PABPC1: variants seen among roughly 807,000 people sequenced by gnomAD.
PABPC1 encodes the protein poly(A) binding protein cytoplasmic 1, also known as polyadenylate-binding protein 1.
Under a neutral mutation model 74.0 loss-of-function variants are expected in PABPC1, and 4 were observed. The observed-to-expected ratio is 0.05, with a 90% CI of 0.03 to 0.12. PABPC1 has a LOEUF of 0.12. Ranked by LOEUF, PABPC1 falls within the 10% of genes least tolerant of loss-of-function variation. PABPC1 has a pLI of 1.00. For missense variants in PABPC1, 271 were observed against 821.1 expected (o/e 0.33, Z 8.19); for synonymous variants, 227 against 264.1 (o/e 0.86, Z 1.36).
chr8:100,721,731 A>C lies in PABPC1; in HGVS notation c.-148T>G. The C allele has an allele frequency of 1.6e-6, 1 of 640,924 alleles. No individual in the cohort carries two copies. The highest frequency in any genetic ancestry group is 3.3e-5 in the East Asian group (1 of 30,200). 39.7% of individuals were successfully genotyped at this position (640,924 alleles called of 1,614,324 possible). ...AATCAACCGGAATTGAAAACTACTCAACGGCCGCAGAACGGGGTCGATCCA... is the reference window on the plus strand; with the variant it reads ...AATCAACCGGAATTGAAAACTACTCCACGGCCGCAGAACGGGGTCGATCCA... On this transcript the variant is annotated 5_prime_UTR_variant, in exon 1 of 15. Coordinates refer to ENST00000318607, the MANE Select transcript of PABPC1 (RefSeq NM_002568.4). The surrounding 1 kb of genome is among the most constrained non-coding windows in gnomAD (Gnocchi z 7.4).
rs559867146 is a variant in PABPC1, at chr8:100,712,002, G to C, written c.972+360C>G. On this transcript the variant is annotated intron_variant, in intron 7 of 14. Coordinates refer to ENST00000318607, the MANE Select transcript of PABPC1 (RefSeq NM_002568.4). ...TATGATCTCTATTCTTACTGCTAGG[G>C]GGCAGGGGAGGGAACTGGGGCTTGA... is the stretch of plus-strand genomic sequence containing the variant. Among the ~76,000 whole-genome samples, 7 of 152,316 alleles carry C rather than the reference G, an allele frequency of 4.6e-5. No individual in the cohort carries two copies. The South Asian group carries it at 1.5e-3, about 32-fold the overall frequency.
chr8:100,704,075 A>C (rs1044028703), intron 14 of PABPC1: 63 of 366,854 alleles, frequency 1.7e-4, no homozygotes, highest in South Asian at 4.9e-4. Flanking sequence ...AAAAAAAAAA[A>C]CACCACCTGA....
Position 100,706,868 on chromosome 8 carries a change from A to G in PABPC1, c.1447+19T>C. The G allele has an allele frequency of 9.4e-7, 1 of 1,068,620 alleles. No individual in the cohort carries two copies. The highest frequency in any genetic ancestry group is 2.3e-5 in the South Asian group (1 of 42,782). 66.2% of individuals were successfully genotyped at this position (1,068,620 alleles called of 1,614,324 possible). A position where few individuals can be genotyped will look rare whatever the true frequency, so the allele number is the denominator to read the frequency against. The stretch of plus-strand genomic sequence containing the variant: ...TTTCAAATTGGTGATCAATTTTTAA[A>G]GGAAGGATTAAGACTCACCAACACG... On this transcript the variant is annotated intron_variant, in intron 10 of 14. Coordinates refer to ENST00000318607, the MANE Select transcript of PABPC1 (RefSeq NM_002568.4).
chr8:100,718,419 C>T, intron 1 of PABPC1, 139 bp from the exon 2 acceptor site: 1 of 661,250 alleles, frequency 1.5e-6, no homozygotes, highest in South Asian at 2.2e-5. Context: ...TTCAAGATGG[C>T]TAGACCTTTC....
intron 3 of PABPC1, 58 bp from the exon 4 acceptor site, chr8:100,715,659 G>A (rs1252656944): frequency 3.9e-6 from 5 of 1,296,852 alleles, no homozygotes; most frequent in Non-Finnish European, 5.3e-6. Flanking sequence ...TTCAGATTAA[G>A]TAAGCCTGAT....
chr8:100,706,318 T>A (rs1419279025), intron 11 of PABPC1, among the ~76,000 whole-genome samples: 1 of 152,166 alleles, frequency 6.6e-6, no homozygotes, highest in African/African-American at 2.4e-5. Flanking sequence ...GTCTTCACAT[T>A]TTTTCTTTTG....
At chr8:100,711,775 T>A (rs957188881) in intron 7 of PABPC1, among the ~76,000 whole-genome samples, 8 of 150,856 alleles carry the variant, frequency 5.3e-5, no homozygotes, top group African/African-American at 1.7e-4. Context: ...TCCAGTTCAG[T>A]TGAGTTGTAA....
Position 100,721,589 on chromosome 8 carries a change from C to T in PABPC1, c.-6G>A. ...CTGGGGGCACTGGGGTTCATCTCGG[C>T]ACGGCTGCCCGCAGGGCCACAGGCC... On this transcript the variant is annotated 5_prime_UTR_variant, in exon 1 of 15. Coordinates refer to ENST00000318607, the MANE Select transcript of PABPC1 (RefSeq NM_002568.4). The surrounding 1 kb of genome is among the most constrained non-coding windows in gnomAD (Gnocchi z 7.4). The T allele has an allele frequency of 7.1e-6, 11 of 1,554,652 alleles. No individual in the cohort carries two copies. The highest frequency in any genetic ancestry group is 1.9e-4 in the Middle Eastern group (1 of 5,150).
At chr8:100,705,700 T>A in intron 11 of PABPC1, 27 bp from the exon 12 acceptor site, 4 of 1,459,842 alleles carry the variant, frequency 2.7e-6, no homozygotes, top group Non-Finnish European at 2.9e-6. Flanking sequence ...AACTCTTAAG[T>A]TTAAAGCACA....
intron 4 of PABPC1, among the ~76,000 whole-genome samples, chr8:100,714,692 G>C (rs1810620243): frequency 6.6e-6 from 1 of 152,026 alleles, no homozygotes; most frequent in Admixed American, 6.5e-5. Context: ...TCACGTGACT[G>C]CACTCCAGCC....
rs1382504336 is a variant in PABPC1 at position 100,719,000 on chromosome 8, GACACATACAATCAATTTCACTTTA to G, written c.194-744_194-721del. Among the ~76,000 whole-genome samples, 4 of 152,242 alleles carry G rather than the reference GACACATACAATCAATTTCACTTTA, an allele frequency of 2.6e-5. No individual in the cohort carries two copies. The East Asian group carries it at 7.7e-4, about 29-fold the overall frequency. Reference sequence around the variant, plus strand: ...CAGAAATCACCATTAACGCTCTCTTGACACATACAATCAATTTCACTTTAGATCGCTGATTTTCTTAACAACTGA... The same window carrying G: ...CAGAAATCACCATTAACGCTCTCTTGGATCGCTGATTTTCTTAACAACTGA... On this transcript the variant is annotated intron_variant, in intron 1 of 14. Transcript: ENST00000318607.
rs60777871 is a variant in PABPC1, at chr8:100,717,713, G to C, written c.503+60C>G. ...TGACAAATATTAACTTAAAATGAAT[G>C]GATTTGGAATTATTAAAAATAAGAT... On this transcript the variant is annotated intron_variant, in intron 3 of 14. Transcript: ENST00000318607. 1.1e-4 allele frequency: 106 copies of C among 991,784 alleles called. No homozygotes were observed. The African/African-American group carries it at 1.7e-3, about 16-fold the overall frequency. The allele number at this position is 991,784 out of a possible 1,614,324, so 61.4% of individuals were successfully genotyped here.
intron 4 of PABPC1, among the ~76,000 whole-genome samples, chr8:100,714,075 A>AC (rs548131010): frequency 4.6e-4 from 70 of 152,360 alleles, no homozygotes; most frequent in African/African-American, 1.6e-3. Context: ...AGAAAAGGTT[A>AC]AAAATCACAT....
intron 14 of PABPC1, among the ~76,000 whole-genome samples, chr8:100,703,772 G>A (rs373240159): frequency 3.9e-5 from 6 of 152,132 alleles, no homozygotes; most frequent in African/African-American, 1.2e-4. Flanking sequence ...AAATCTGGCA[G>A]GGCGCAGTGG....
At chr8:100,708,655 G>A (rs1485692157) in intron 9 of PABPC1, among the ~76,000 whole-genome samples, 1 of 152,016 alleles carries the variant, frequency 6.6e-6, no homozygotes, top group African/African-American at 2.4e-5. Flanking sequence ...GTGGGCAGAT[G>A]ACCTGAGATC....
In PABPC1 at chr8:100,713,200, T is replaced by A. The variant is rs148328735; in HGVS notation, c.644-19A>T. 1.4e-6 allele frequency: 2 copies of A among 1,386,198 alleles called. No homozygotes were observed. Among genetic ancestry groups the A allele is most frequent in the Non-Finnish European group, 2.0e-6 (2 of 999,726 alleles). 85.9% of individuals were successfully genotyped at this position (1,386,198 alleles called of 1,614,324 possible). A position where few individuals can be genotyped will look rare whatever the true frequency, so the allele number is the denominator to read the frequency against. ...GCAGGCCCTAAAAAATTTTTTTACA[T>A]AAATCAAAGATATTCCATACAACAT... On this transcript the variant is annotated intron_variant, in intron 4 of 14. Coordinates refer to ENST00000318607, the MANE Select transcript of PABPC1 (RefSeq NM_002568.4).
At chr8:100,709,928 T>C in intron 7 of PABPC1, 197 bp from the exon 8 acceptor site, 1 of 538,294 alleles carries the variant, frequency 1.9e-6, no homozygotes, top group African/African-American at 1.9e-5. Context: ...ACATATGCAT[T>C]ACCCTAGCCA....
chr8:100,715,154 CACACATAT>C (rs958124748), intron 4 of PABPC1, among the ~76,000 whole-genome samples: 3 of 78,670 alleles, frequency 3.8e-5, no homozygotes, highest in African/African-American at 1.2e-4. Context: ...CACACACACA[CACACATAT>C]ATATCTCCAG....
Position 100,708,918 on chromosome 8 carries a change from C to T in PABPC1, c.1336+215G>A, listed in dbSNP as rs1052972479. On this transcript the variant is annotated intron_variant, in intron 9 of 14. Coordinates refer to ENST00000318607, the MANE Select transcript of PABPC1 (RefSeq NM_002568.4). ...AAATAAATAAATAAAAAATGAAGAG[C>T]TGTACCTATTCCCAAAACTTTTATA... 2.7e-5 allele frequency among the ~76,000 whole-genome samples: 4 copies of T among 145,656 alleles called. 1 individual carries two copies. Among genetic ancestry groups the T allele is most frequent in the African/African-American group, 2.8e-5 (1 of 35,896 alleles).
Sources: gnomAD v4.1 joint callset for allele counts (sites outside exome capture counted in the v4.1 genomes callset) on GRCh38, gnomAD v4.1.1 for gene constraint, Gnocchi (gnomAD v3.1) non-coding constraint, MANE v1.5 for transcripts, NCBI Gene and HGNC (gene_info 2026-07-23, HGNC 2026-07-21) for gene names.